NEMP2: variants seen among roughly 807,000 people sequenced by gnomAD.
NEMP2 encodes the protein UPF0571 transmembrane protein.
NEMP2 carries 53 observed loss-of-function variants against 54.2 expected under a neutral mutation model. The ratio of observed to expected loss-of-function variants is 0.98; its 90% CI spans 0.78 to 1.23. NEMP2 has a LOEUF of 1.23. Among genes scored for constraint, NEMP2 ranks in the 50% most tolerant of loss-of-function variants. The probability of loss-of-function intolerance (pLI) is 0.00; values close to 1 mark genes in which losing one functional copy is unlikely to be tolerated. For synonymous variants in NEMP2, 197 were observed against 190.3 expected (o/e 1.04, Z -0.29); for missense variants, 455 against 511.3 (o/e 0.89, Z 1.06).
At chr2:190,629,043 G>C in the NEMP2 span, among the ~76,000 whole-genome samples, 13 of 152,264 alleles carry the variant, frequency 8.5e-5, no homozygotes, top group Admixed American at 7.2e-4. Context: ...AATAGTGAAA[G>C]CTATGTTTTT....
At chr2:190,496,174 G>A in the NEMP2 span, among the ~76,000 whole-genome samples, 1 of 151,264 alleles carries the variant, frequency 6.6e-6, no homozygotes, top group Non-Finnish European at 1.5e-5. The surrounding 1 kb of genome is among the most constrained non-coding windows in gnomAD (Gnocchi z 4.7). Context: ...GTGGACTAAG[G>A]ACATGCATAA....
At chr2:190,628,559 C>G in the NEMP2 span, 1 of 152,196 alleles carries the variant, frequency 6.6e-6, no homozygotes, top group East Asian at 1.9e-4. This position sits in a 1 kb window ranked among gnomAD's most constrained non-coding sequence, Gnocchi z 4.1. Flanking sequence ...CTGACCTAAG[C>G]TGGGCCCATC....
the NEMP2 span, among the ~76,000 whole-genome samples, chr2:190,573,804 G>A: frequency 3.9e-5 from 6 of 152,106 alleles, no homozygotes; most frequent in Non-Finnish European, 5.9e-5. Flanking sequence ...AATAATATTA[G>A]GTTGGTGCAA....
At position 190,516,539 on chromosome 2, in the gene NEMP2, C is replaced by T. The variant is rs1216031334; in HGVS notation, c.613-155G>A. 3.9e-5 allele frequency among the ~76,000 whole-genome samples: 6 copies of T among 152,292 alleles called. No homozygotes were observed. The South Asian group carries it at 6.2e-4, about 16-fold the overall frequency. ...CCCTAGGGTCTTAAGGTGTGGTCCACAAATCAGCAACACCGACATCACATG... is the reference window on the plus strand; with the variant it reads ...CCCTAGGGTCTTAAGGTGTGGTCCATAAATCAGCAACACCGACATCACATG... On this transcript the variant is annotated intron_variant, in intron 5 of 8. Transcript: ENST00000409150.
At chr2:190,539,130 G>T (rs1222201498), upstream of NEMP2, among the ~76,000 whole-genome samples, 1 of 152,070 alleles carries the variant, frequency 6.6e-6, no homozygotes, top group Non-Finnish European at 1.5e-5. The surrounding 1 kb of genome is among the most constrained non-coding windows in gnomAD (Gnocchi z 4.1). Context: ...GTTTCTATAT[G>T]GTAAGATATA....
the NEMP2 span, among the ~76,000 whole-genome samples, chr2:190,548,337 G>A: frequency 6.6e-6 from 1 of 152,088 alleles, no homozygotes; most frequent in Non-Finnish European, 1.5e-5. Context: ...GTTAGAATAG[G>A]CCAAGGAAAA....
the NEMP2 span, among the ~76,000 whole-genome samples, chr2:190,629,454 G>A: frequency 2.6e-5 from 4 of 152,284 alleles, no homozygotes; most frequent in Admixed American, 1.3e-4. Context: ...TGCTAAAATT[G>A]AAGCAAGAAC....
the NEMP2 span, among the ~76,000 whole-genome samples, chr2:190,428,730 G>A: frequency 6.6e-6 from 1 of 152,122 alleles, no homozygotes; most frequent in Non-Finnish European, 1.5e-5. Context: ...CTGGAGGGCA[G>A]TGGTGCTATC....
chr2:190,545,145 A>T, the NEMP2 span, among the ~76,000 whole-genome samples: 2 of 151,610 alleles, frequency 1.3e-5, no homozygotes, highest in Non-Finnish European at 2.9e-5. Context: ...AAAAAAAAAG[A>T]TTTATTTTTC....
In NEMP2 at chr2:190,533,589, G is replaced by C. The variant is rs1273049662; in HGVS notation, c.97+970C>G. Among the ~76,000 whole-genome samples, 1 of 152,072 alleles carries C rather than the reference G, an allele frequency of 6.6e-6. No individual in the cohort carries two copies. The highest frequency in any genetic ancestry group is 1.5e-5 in the Non-Finnish European group (1 of 68,012). On this transcript the variant is annotated intron_variant, in intron 1 of 8. Transcript: ENST00000409150. This position sits in a 1 kb window ranked among gnomAD's most constrained non-coding sequence, Gnocchi z 4.3. ...GGGAGCTGTGGCAGAATCTGATAAT[G>C]ACCTCATCAACATCCAGTCTCTCAT...
chr2:190,558,981 A>G, the NEMP2 span, among the ~76,000 whole-genome samples: 4 of 152,234 alleles, frequency 2.6e-5, no homozygotes, highest in Non-Finnish European at 5.9e-5. This position sits in a 1 kb window ranked among gnomAD's most constrained non-coding sequence, Gnocchi z 4.4. Context: ...TATTTCATCT[A>G]GAAAAGCTAA....
At chr2:190,466,714 C>A in the NEMP2 span, among the ~76,000 whole-genome samples, 4 of 152,180 alleles carry the variant, frequency 2.6e-5, no homozygotes, top group Non-Finnish European at 4.4e-5. Context: ...GATGAAATAA[C>A]CTTGACCTGG....
chr2:190,497,414 A>G, the NEMP2 span: 2 of 1,601,378 alleles, frequency 1.2e-6, no homozygotes, highest in Non-Finnish European at 1.7e-6. The surrounding 1 kb of genome is among the most constrained non-coding windows in gnomAD (Gnocchi z 5.2). Context: ...CTGAAAAAAT[A>G]GTTTAAACAT....
chr2:190,536,910 G>A (rs951682495), upstream of NEMP2, among the ~76,000 whole-genome samples: 1 of 152,188 alleles, frequency 6.6e-6, no homozygotes, highest in African/African-American at 2.4e-5. Flanking sequence ...GAAGAGGCAT[G>A]TTTATTTCTG....
At chr2:190,596,797 AAAC>A in the NEMP2 span, among the ~76,000 whole-genome samples, 1,235 of 152,306 alleles carry the variant, frequency 8.1e-3, 11 homozygotes, top group South Asian at 0.044. This position sits in a 1 kb window ranked among gnomAD's most constrained non-coding sequence, Gnocchi z 5.1. Context: ...TAGTAAGAGA[AAAC>A]AACTAGATTT....
At chr2:190,627,592 G>GA in the NEMP2 span, among the ~76,000 whole-genome samples, 2 of 129,038 alleles carry the variant, frequency 1.5e-5, no homozygotes, top group Admixed American at 7.1e-5. The surrounding 1 kb of genome is among the most constrained non-coding windows in gnomAD (Gnocchi z 4.4). Context: ...AAGTTCTTAG[G>GA]GAAAAAAAAA....
Position 190,513,420 on chromosome 2 carries a change from G to A in NEMP2, c.953+1033C>T, listed in dbSNP as rs1013130777. Among the ~76,000 whole-genome samples the A allele has an allele frequency of 2.6e-5, 4 of 152,158 alleles. No individual in the cohort carries two copies. Among genetic ancestry groups the A allele is most frequent in the Admixed American group, 6.5e-5 (1 of 15,284 alleles). On this transcript the variant is annotated intron_variant, in intron 7 of 8. Transcript: ENST00000409150. This position sits in a 1 kb window ranked among gnomAD's most constrained non-coding sequence, Gnocchi z 5.3. ...TTGTAGAGTTTCCCACAGTCCTCCT[G>A]GTTACTGCTGCCTTACCCCTGCTCA...
At position 190,505,396 on chromosome 2, in the gene NEMP2, C is replaced by T. The variant is rs1321547638; in HGVS notation, c.*3793G>A. 3.3e-5 allele frequency: 5 copies of T among 152,070 alleles called. No individual in the cohort carries two copies. The highest frequency in any genetic ancestry group is 9.7e-5 in the African/African-American group (4 of 41,394). 9.4% of individuals were successfully genotyped at this position (152,070 alleles called of 1,614,324 possible). On this transcript the variant is annotated 3_prime_UTR_variant, in exon 9 of 9. Coordinates refer to ENST00000409150, the MANE Select transcript of NEMP2 (RefSeq NM_001142645.2). This position sits in a 1 kb window ranked among gnomAD's most constrained non-coding sequence, Gnocchi z 5.8. ...TCATGAGGTGCAAATTAAGAGGTAT[C>T]GAAGGTGCCTCATATAGTGCCTGAT...
chr2:190,472,376 G>C, the NEMP2 span, among the ~76,000 whole-genome samples: 2 of 152,202 alleles, frequency 1.3e-5, no homozygotes, highest in Non-Finnish European at 2.9e-5. Flanking sequence ...AATAACCAAT[G>C]CAGAGAAGTC....
Sources: allele counts gnomAD v4.1 joint callset (sites outside exome capture counted in the v4.1 genomes callset), GRCh38; gene constraint gnomAD v4.1.1; non-coding constraint Gnocchi (gnomAD v3.1); transcripts MANE v1.5; gene names NCBI Gene and HGNC (gene_info 2026-07-23, HGNC 2026-07-21).